ADAMTSL1: variants seen among roughly 807,000 people sequenced by gnomAD.
ADAMTSL1 encodes the protein ADAMTS-like protein 1.
Under a neutral mutation model 201.8 loss-of-function variants are expected in ADAMTSL1, and 126 were observed. That is an observed-to-expected ratio of 0.62 (90% CI 0.54 to 0.72). The LOEUF is 0.72. Ranked by LOEUF, ADAMTSL1 falls within the 30% of genes least tolerant of loss-of-function variation. ADAMTSL1 has a pLI of 0.00. For synonymous variants in ADAMTSL1, 1,121 were observed against 903.4 expected (o/e 1.24, Z -4.32); for missense variants, 2,679 against 2,277.8 (o/e 1.18, Z -3.59).
chr9:18,803,073 C>T (rs1230083382), intron 20 of ADAMTSL1, among the ~76,000 whole-genome samples: 1 of 152,158 alleles, frequency 6.6e-6, no homozygotes, highest in Non-Finnish European at 1.5e-5. Context: ...GCTGCCATAA[C>T]AAATAACCAC....
chr9:18,421,084 C>G (rs1295396612), intron 2 of ADAMTSL1, among the ~76,000 whole-genome samples: 1 of 152,104 alleles, frequency 6.6e-6, no homozygotes, highest in East Asian at 1.9e-4. Flanking sequence ...AGATGAGCAC[C>G]TGAAAGAGGA....
chr9:18,480,008 C>T (rs913308217), intron 1 of ADAMTSL1, among the ~76,000 whole-genome samples: 3 of 152,168 alleles, frequency 2.0e-5, no homozygotes, highest in African/African-American at 7.2e-5. Flanking sequence ...ACCCCTTTTG[C>T]TCTTGTTAAT....
At chr9:18,872,614 C>T (rs772677311) in intron 23 of ADAMTSL1, among the ~76,000 whole-genome samples, 13 of 152,132 alleles carry the variant, frequency 8.5e-5, no homozygotes, top group African/African-American at 1.7e-4. Context: ...TGAGTTACTT[C>T]GCTTAGAATA....
At chr9:18,033,971 T>C (rs1416212603) in intron 1 of ADAMTSL1, among the ~76,000 whole-genome samples, 1 of 152,176 alleles carries the variant, frequency 6.6e-6, no homozygotes, top group African/African-American at 2.4e-5. Context: ...TTCCTTGTAC[T>C]TTTCTTCCCT....
At chr9:18,054,558 A>G (rs1822086693) in intron 1 of ADAMTSL1, among the ~76,000 whole-genome samples, 1 of 152,160 alleles carries the variant, frequency 6.6e-6, no homozygotes, top group Admixed American at 6.5e-5. Context: ...AGGTCCTATT[A>G]GGCCAGGTCG....
chr9:18,056,643 A>G (rs1488171379), intron 1 of ADAMTSL1, among the ~76,000 whole-genome samples: 2 of 152,238 alleles, frequency 1.3e-5, no homozygotes, highest in Non-Finnish European at 2.9e-5. Context: ...TACAAATCTC[A>G]ACATGGCAAG....
chr9:18,024,719 A>G (rs1820622419), intron 1 of ADAMTSL1, among the ~76,000 whole-genome samples: 1 of 152,122 alleles, frequency 6.6e-6, no homozygotes, highest in Non-Finnish European at 1.5e-5. Flanking sequence ...TAGTGCTGCA[A>G]TGAACGTACG....
At chr9:18,604,541 T>C (rs2132559282) in intron 4 of ADAMTSL1, among the ~76,000 whole-genome samples, 1 of 152,312 alleles carries the variant, frequency 6.6e-6, no homozygotes, top group Non-Finnish European at 1.5e-5. Context: ...CTGGTTTATT[T>C]TACTTAACCT....
At chr9:18,735,034 C>A (rs1237768839) in intron 15 of ADAMTSL1, among the ~76,000 whole-genome samples, 1 of 152,176 alleles carries the variant, frequency 6.6e-6, no homozygotes, top group Non-Finnish European at 1.5e-5. Context: ...TTTTATTAAA[C>A]CTCTGTCCCT....
At chr9:18,151,040 A>T (rs1348224749) in intron 1 of ADAMTSL1, among the ~76,000 whole-genome samples, 2 of 152,002 alleles carry the variant, frequency 1.3e-5, no homozygotes, top group Non-Finnish European at 2.9e-5. Context: ...CAACATTTAA[A>T]ACCATTCAAC....
At chr9:18,497,673 A>G (rs1408785346) in intron 1 of ADAMTSL1, among the ~76,000 whole-genome samples, 1 of 152,228 alleles carries the variant, frequency 6.6e-6, no homozygotes. Context: ...TTCCCTTGAG[A>G]TAAGCTGATT....
intron 2 of ADAMTSL1, among the ~76,000 whole-genome samples, chr9:18,244,792 C>G (rs1396767104): frequency 6.6e-6 from 1 of 152,172 alleles, no homozygotes; most frequent in South Asian, 2.1e-4. Context: ...GAGTCATGCT[C>G]TCCCTCTCTC....
intron 2 of ADAMTSL1, among the ~76,000 whole-genome samples, chr9:18,406,636 A>G (rs576473441): frequency 3.3e-5 from 5 of 152,020 alleles, no homozygotes; most frequent in Non-Finnish European, 5.9e-5. Flanking sequence ...CAGCCAAGAC[A>G]TTTTTTGTTA....
chr9:18,703,941 G>A (rs1440487561), intron 13 of ADAMTSL1, among the ~76,000 whole-genome samples: 2 of 151,618 alleles, frequency 1.3e-5, no homozygotes, highest in African/African-American at 2.4e-5. Context: ...GATCTTATCT[G>A]GGGCTCGCTT....
intron 1 of ADAMTSL1, among the ~76,000 whole-genome samples, chr9:18,081,971 T>C (rs1190507081): frequency 6.6e-6 from 1 of 152,214 alleles, no homozygotes; most frequent in Non-Finnish European, 1.5e-5. Context: ...CTTTGTTATA[T>C]TGATAATGGC....
intron 19 of ADAMTSL1, among the ~76,000 whole-genome samples, chr9:18,791,394 A>T (rs960774441): frequency 6.6e-6 from 1 of 152,202 alleles, no homozygotes; most frequent in Non-Finnish European, 1.5e-5. Flanking sequence ...GGATTTTAAG[A>T]GAGAGGGAAA....
intron 1 of ADAMTSL1, among the ~76,000 whole-genome samples, chr9:18,150,502 C>T (rs1397961295): frequency 1.3e-5 from 2 of 152,008 alleles, no homozygotes; most frequent in Admixed American, 6.6e-5. Context: ...TTTCTGTTTG[C>T]TGAGTTTGTG....
rs551416901 is a variant in ADAMTSL1, at chr9:18,107,250, C to T, written c.88-56612C>T. Among the ~76,000 whole-genome samples the T allele has an allele frequency of 4.6e-5, 7 of 152,282 alleles. No individual in the cohort carries two copies. In the South Asian group the frequency reaches 1.4e-3, roughly 32 times the overall value. ...GGCTATGATACTTCTCATCTCCCTTCAAAATTTGTGAGCTGGATGGCTCCT... is the reference window on the plus strand; with the variant it reads ...GGCTATGATACTTCTCATCTCCCTTTAAAATTTGTGAGCTGGATGGCTCCT... On this transcript the variant is annotated intron_variant, in intron 1 of 29. Coordinates refer to the ADAMTSL1 transcript ENST00000680146.
intron 20 of ADAMTSL1, among the ~76,000 whole-genome samples, chr9:18,810,702 G>C (rs1057448826): frequency 3.3e-5 from 5 of 152,138 alleles, no homozygotes; most frequent in African/African-American, 1.2e-4. Context: ...GTATTTTGTA[G>C]TCATGTGCAT....
Sources: gnomAD v4.1 joint callset for allele counts (sites outside exome capture counted in the v4.1 genomes callset) on GRCh38, gnomAD v4.1.1 for gene constraint, MANE v1.5 for transcripts, NCBI Gene and HGNC (gene_info 2026-07-23, HGNC 2026-07-21) for gene names.